The following ELOVL5 variants were observed in gnomAD, a reference collection of about 807,000 sequenced individuals.
ELOVL5 encodes the protein ELOVL fatty acid elongase 5.
Under a neutral mutation model 38.6 loss-of-function variants are expected in ELOVL5, and 8 were observed. The ratio of observed to expected loss-of-function variants is 0.21; its 90% CI spans 0.12 to 0.37. The LOEUF (loss-of-function observed/expected upper bound fraction) is 0.37. ELOVL5 is among the 10% of genes least tolerant of loss of function. The pLI, the probability that ELOVL5 is intolerant of heterozygous loss-of-function variation, is 1.00. For synonymous variants in ELOVL5, 127 were observed against 133.7 expected, an observed-to-expected ratio of 0.95 and a Z score of 0.34; for missense variants, 280 against 367.8, an observed-to-expected ratio of 0.76 and a Z score of 1.95.
At chr6:53,288,965 T>C (rs1198380391) in intron 3 of ELOVL5, among the ~76,000 whole-genome samples, 2 of 152,030 alleles carry the variant, frequency 1.3e-5, no homozygotes, top group African/African-American at 2.4e-5. Context: ...ACTTGGGAGG[T>C]TGAGGCGGGA....
intron 1 of ELOVL5, among the ~76,000 whole-genome samples, chr6:53,338,603 C>A (rs1292946511): frequency 6.6e-6 from 1 of 152,208 alleles, no homozygotes; most frequent in Non-Finnish European, 1.5e-5. Flanking sequence ...AGATACTACA[C>A]ACGCCTCTAA....
At chr6:53,324,367 G>A (rs1035786921) in intron 1 of ELOVL5, among the ~76,000 whole-genome samples, 1 of 151,864 alleles carries the variant, frequency 6.6e-6, no homozygotes, top group Admixed American at 6.6e-5. Flanking sequence ...TTAAAAACAT[G>A]GATTAAGTAG....
At position 53,277,026 on chromosome 6, in the gene ELOVL5, C is replaced by T. The variant is rs528783993; in HGVS notation, c.247-770G>A. On this transcript the variant is annotated intron_variant, in intron 3 of 7. Transcript: ENST00000304434. ...CACAGCCCAGCAGTTATCACGGGCC[C>T]CTCCCCTCAATGGGCCCGTGATAAC... 2.6e-3 allele frequency: 374 copies of T among 145,986 alleles called. 4 individuals are homozygous for T. In the Middle Eastern group the frequency reaches 0.04, roughly 16 times the overall value. The allele number at this position is 145,986 out of a possible 1,614,324, so 9.0% of individuals were successfully genotyped here.
intron 1 of ELOVL5, among the ~76,000 whole-genome samples, chr6:53,311,923 G>A (rs969838619): frequency 3.3e-5 from 5 of 151,978 alleles, no homozygotes; most frequent in Non-Finnish European, 7.4e-5. Flanking sequence ...AAAAGGAGAG[G>A]TACTTTAAAA....
At position 53,325,389 on chromosome 6, in the gene ELOVL5, C is replaced by T. The variant is rs553436337; in HGVS notation, c.-9+23428G>A. 4.6e-5 allele frequency among the ~76,000 whole-genome samples: 7 copies of T among 152,252 alleles called. No individual in the cohort carries two copies. The East Asian group carries it at 9.6e-4, about 21-fold the overall frequency. On this transcript the variant is annotated intron_variant, in intron 1 of 7. Coordinates refer to ENST00000304434, the MANE Select transcript of ELOVL5 (RefSeq NM_021814.5). The stretch of plus-strand genomic sequence containing the variant: ...AAATGTCATTTTTTAAAAAAGTGCC[C>T]GTATCTTACCTATCATTTATGGAAC...
At chr6:53,270,998 G>T (rs1283525377) in intron 6 of ELOVL5, among the ~76,000 whole-genome samples, 1 of 152,148 alleles carries the variant, frequency 6.6e-6, no homozygotes, top group East Asian at 1.9e-4. Flanking sequence ...AGACATCCAA[G>T]ACTTTTTGTT....
At chr6:53,325,131 T>C (rs551819213) in intron 1 of ELOVL5, among the ~76,000 whole-genome samples, 1 of 152,214 alleles carries the variant, frequency 6.6e-6, no homozygotes, top group South Asian at 2.1e-4. Flanking sequence ...CCTATCCTAC[T>C]AATAAGTTTT....
At chr6:53,341,462 C>T (rs1406177242) in intron 1 of ELOVL5, among the ~76,000 whole-genome samples, 1 of 152,168 alleles carries the variant, frequency 6.6e-6, no homozygotes, top group Non-Finnish European at 1.5e-5. Flanking sequence ...GGGTTTGAAT[C>T]CTGCCTCTGC....
At position 53,304,634 on chromosome 6, in the gene ELOVL5, G is replaced by C. The variant is rs574317683; in HGVS notation, c.-8-8927C>G. ...CTGGGGAGTGGTGATGACTCTCAACGAGCATGCTGCCTTCAAGCATCTGTT... is the reference window on the plus strand; with the variant it reads ...CTGGGGAGTGGTGATGACTCTCAACCAGCATGCTGCCTTCAAGCATCTGTT... On this transcript the variant is annotated intron_variant, in intron 1 of 7. Coordinates refer to ENST00000304434, the MANE Select transcript of ELOVL5 (RefSeq NM_021814.5). Among the ~76,000 whole-genome samples, 118 of 152,162 alleles carry C rather than the reference G, an allele frequency of 7.8e-4. 1 individual carries two copies. In the South Asian group the frequency reaches 0.018, roughly 23 times the overall value.
intron 7 of ELOVL5, among the ~76,000 whole-genome samples, 158 bp downstream of exon 7, chr6:53,270,435 A>G (rs1416751094): frequency 1.3e-5 from 2 of 152,166 alleles, no homozygotes; most frequent in Admixed American, 6.5e-5. Flanking sequence ...GTGAGCTGTG[A>G]GCCCCCCAGA....
chr6:53,342,456 CGCCAGCATG>C (rs754381777), intron 1 of ELOVL5, among the ~76,000 whole-genome samples: 2 of 152,150 alleles, frequency 1.3e-5, no homozygotes, highest in Admixed American at 6.5e-5. Flanking sequence ...GTGGCCAATT[CGCCAGCATG>C]GCTTCAATTA....
intron 1 of ELOVL5, among the ~76,000 whole-genome samples, chr6:53,337,861 A>T (rs1769143017): frequency 6.6e-6 from 1 of 152,236 alleles, no homozygotes; most frequent in Non-Finnish European, 1.5e-5. Context: ...GACAGAGAGT[A>T]TGAATGAGTA....
intron 1 of ELOVL5, among the ~76,000 whole-genome samples, chr6:53,328,502 C>A (rs1052422662): frequency 1.3e-5 from 2 of 152,012 alleles, no homozygotes; most frequent in Non-Finnish European, 2.9e-5. Flanking sequence ...ACACAAAAGG[C>A]CAGAGGAAAT....
chr6:53,346,924 A>G (rs1769571577), intron 1 of ELOVL5, among the ~76,000 whole-genome samples: 1 of 152,238 alleles, frequency 6.6e-6, no homozygotes, highest in Non-Finnish European at 1.5e-5. Context: ...AATGGGAAGG[A>G]AACATTTTCA....
chr6:53,290,741 C>A (rs1766743144), intron 3 of ELOVL5, among the ~76,000 whole-genome samples: 1 of 152,112 alleles, frequency 6.6e-6, no homozygotes, highest in South Asian at 2.1e-4. Context: ...CGCCCACACT[C>A]CTGCACACCA....
At chr6:53,339,037 A>G (rs1167267581) in intron 1 of ELOVL5, among the ~76,000 whole-genome samples, 1 of 150,380 alleles carries the variant, frequency 6.6e-6, no homozygotes, top group Non-Finnish European at 1.5e-5. Flanking sequence ...TTCTTTTTTA[A>G]AACTCAATCT....
At chr6:53,342,304 T>C (rs1769366379) in intron 1 of ELOVL5, among the ~76,000 whole-genome samples, 1 of 152,214 alleles carries the variant, frequency 6.6e-6, no homozygotes, top group South Asian at 2.1e-4. Flanking sequence ...AATGAATAAT[T>C]ACTGAATTTG....
Position 53,324,691 on chromosome 6 carries a change from A to AAAC in ELOVL5, c.-9+24125_-9+24126insGTT, listed in dbSNP as rs70980840. On this transcript the variant is annotated intron_variant, in intron 1 of 7. Coordinates refer to ENST00000304434, the MANE Select transcript of ELOVL5 (RefSeq NM_021814.5). ...TCCTGTCAAAAAAAAAAAAAAAAAA[A>AAAC]GGAAAAGAAATAGAATCAGGAAGGA... Among the ~76,000 whole-genome samples, 4 of 118,060 alleles carry AAAC rather than the reference A, an allele frequency of 3.4e-5. 1 individual carries two copies. Among genetic ancestry groups the AAAC allele is most frequent in the Admixed American group, 2.4e-4 (3 of 12,302 alleles). The allele number at this position is 118,060 out of a possible 152,430, so 77.5% of individuals were successfully genotyped here. A position where few individuals can be genotyped will look rare whatever the true frequency, so the allele number is the denominator to read the frequency against.
chr6:53,277,335 C>T (rs1453887742), intron 3 of ELOVL5, among the ~76,000 whole-genome samples: 4 of 152,040 alleles, frequency 2.6e-5, no homozygotes, highest in Admixed American at 2.6e-4. Flanking sequence ...ACCTTCTACA[C>T]ATAAAAAAGC....
Sources: allele counts gnomAD v4.1 joint callset (sites outside exome capture counted in the v4.1 genomes callset), GRCh38; gene constraint gnomAD v4.1.1; transcripts MANE v1.5; gene names NCBI Gene and HGNC (gene_info 2026-07-23, HGNC 2026-07-21).